Variants in GPAT4 observed in about 807,000 individuals in gnomAD.
GPAT4 encodes glycerol-3-phosphate acyltransferase 4.
A neutral mutation model predicts 58.0 loss-of-function variants in GPAT4; 17 were observed. That is an observed-to-expected ratio of 0.29 (90% CI 0.20 to 0.44). The LOEUF is 0.44. GPAT4 is among the 20% of genes least tolerant of loss of function. The probability of loss-of-function intolerance (pLI) is 1.00; values close to 1 mark genes in which losing one functional copy is unlikely to be tolerated. For missense variants in GPAT4, 377 were observed against 574.5 expected (o/e 0.66, Z 3.51); for synonymous variants, 204 against 210.1 (o/e 0.97, Z 0.25).
rs769813713 is a variant in GPAT4 at position 41,618,728 on chromosome 8, C to T, written c.1098C>T (p.Tyr366=). Residue 366 remains tyrosine, a synonymous_variant, in exon 11 of 13, where the codon TAC becomes TAT. Transcript: ENST00000396987. ...FGDAFWNSSK[Y]GMVTYLLRMM... ...ATGCCTTCTGGAACAGCAGCAAATA[C>T]GGGATGGTGACGTACCTGCTGCGAA... 84 of 1,614,110 alleles carry T rather than the reference C, an allele frequency of 5.2e-5. 2 individuals are homozygous for T. In the South Asian group the frequency reaches 5.8e-4, roughly 11 times the overall value.
In GPAT4 at chr8:41,597,472, G is replaced by C. The variant is rs150956644; in HGVS notation, c.-848-820G>C. 4.5e-3 allele frequency among the ~76,000 whole-genome samples: 688 copies of C among 152,262 alleles called. 10 individuals carry two copies. The highest frequency in any genetic ancestry group is 0.016 in the African/African-American group (672 of 41,544). On this transcript the variant is annotated intron_variant, in intron 1 of 12. Coordinates refer to ENST00000396987, the MANE Select transcript of GPAT4 (RefSeq NM_178819.4). The stretch of plus-strand genomic sequence containing the variant: ...TGGCCAGTGTGGGGAGAGGCTGGAG[G>C]AGTTTAATCTCTATGTGGAAAATAT...
chr8:41,594,757 G>C (rs1212429828), intron 1 of GPAT4, among the ~76,000 whole-genome samples: 6 of 152,060 alleles, frequency 3.9e-5, no homozygotes. Flanking sequence ...GTGTTAGCCA[G>C]GATGGTCTCC....
intron 2 of GPAT4, among the ~76,000 whole-genome samples, chr8:41,602,121 AT>A (rs1803119262): frequency 6.6e-6 from 1 of 152,060 alleles, no homozygotes; most frequent in Admixed American, 6.5e-5. Flanking sequence ...CACCCGGCTA[AT>A]TTTTGTATTT....
intron 1 of GPAT4, among the ~76,000 whole-genome samples, chr8:41,590,127 CTT>C (rs879453903): frequency 4.8e-5 from 7 of 145,056 alleles, no homozygotes; most frequent in Admixed American, 6.9e-5. Context: ...CTTGCTACTT[CTT>C]TTTTTTTTTT....
chr8:41,597,847 C>A (rs567822877), intron 1 of GPAT4, among the ~76,000 whole-genome samples: 48 of 152,270 alleles, frequency 3.2e-4, no homozygotes, highest in Non-Finnish European at 5.6e-4. Flanking sequence ...GGCCTGGGGG[C>A]CATTGGTGAC....
Position 41,621,958 on chromosome 8 carries a change from G to C in GPAT4, c.*957G>C, listed in dbSNP as rs1563282161. 1.3e-5 allele frequency: 2 copies of C among 152,332 alleles called. No individual in the cohort carries two copies. 9.4% of individuals were successfully genotyped at this position (152,332 alleles called of 1,614,324 possible). ...TACTTTCTCCCCTGGCTGTGGCCCT[G>C]AGTAGCAGGCTTCTCGTGAGGATTC... On this transcript the variant is annotated 3_prime_UTR_variant, in exon 13 of 13. Coordinates refer to ENST00000396987, the MANE Select transcript of GPAT4 (RefSeq NM_178819.4).
intron 2 of GPAT4, among the ~76,000 whole-genome samples, chr8:41,602,240 G>A (rs1042464531): frequency 6.6e-6 from 1 of 152,228 alleles, no homozygotes; most frequent in African/African-American, 2.4e-5. Context: ...TTACAGGCGT[G>A]AGCCACCACA....
chr8:41,621,124 T>C lies in GPAT4; in HGVS notation c.*123T>C. The C allele has an allele frequency of 7.4e-7, 1 of 1,350,466 alleles. No homozygotes were observed. Among genetic ancestry groups the C allele is most frequent in the Non-Finnish European group, 1.0e-6 (1 of 1,003,042 alleles). The allele number at this position is 1,350,466 out of a possible 1,614,324, so 83.7% of individuals were successfully genotyped here. ...CCAGGGCTCCCCGGGCTGCTCTGGA[T>C]CCCAGGACTCCGGCTTTCGCCGAGC... On this transcript the variant is annotated 3_prime_UTR_variant, in exon 13 of 13. Transcript: ENST00000396987.
At chr8:41,582,700 T>TGTGTGCGTGC (rs1309605840) in intron 1 of GPAT4, among the ~76,000 whole-genome samples, 5 of 150,144 alleles carry the variant, frequency 3.3e-5, no homozygotes, top group African/African-American at 9.8e-5. Context: ...TGTGTGGGTG[T>TGTGTGCGTGC]ATCTCAAAAC....
At chr8:41,615,106 A>G (rs1225118182) in intron 10 of GPAT4, 58 bp downstream of exon 10, 2 of 1,474,918 alleles carry the variant, frequency 1.4e-6, no homozygotes, top group Non-Finnish European at 1.9e-6. Flanking sequence ...AGTGGGGTGC[A>G]GCAGGAGGAG....
intron 2 of GPAT4, among the ~76,000 whole-genome samples, chr8:41,602,071 C>T (rs549535243): frequency 1.7e-4 from 26 of 152,368 alleles, no homozygotes; most frequent in African/African-American, 5.5e-4. Context: ...TCTCCTGCCT[C>T]AGCCACCCAA....
Position 41,624,780 on chromosome 8 carries a change from G to T in GPAT4, c.*3779G>T, listed in dbSNP as rs1015211070. 6.6e-6 allele frequency: 1 copy of T among 152,186 alleles called. No homozygotes were observed. Among genetic ancestry groups the T allele is most frequent in the Middle Eastern group, 3.4e-3 (1 of 294 alleles). 9.4% of individuals were successfully genotyped at this position (152,186 alleles called of 1,614,324 possible). A position where few individuals can be genotyped will look rare whatever the true frequency, so the allele number is the denominator to read the frequency against. ...ATTTGTAAACGATAAATAAAAAGGG[G>T]GAACTTTTCATTGCGCCAGGGGTGG... is the stretch of plus-strand genomic sequence containing the variant. On this transcript the variant is annotated 3_prime_UTR_variant, in exon 13 of 13. Transcript: ENST00000396987.
chr8:41,583,552 A>G (rs1053020523), intron 1 of GPAT4, among the ~76,000 whole-genome samples: 7 of 152,350 alleles, frequency 4.6e-5, no homozygotes, highest in Admixed American at 2.0e-4. Flanking sequence ...AAACATAATC[A>G]ATATAAAAAT....
At chr8:41,612,094 A>G (rs778740921) in intron 6 of GPAT4, 86 bp from the exon 7 acceptor site, 71 of 1,586,152 alleles carry the variant, frequency 4.5e-5, no homozygotes, top group Non-Finnish European at 6.0e-5. Context: ...TTTTAGTTAG[A>G]GCAGATGAAG....
chr8:41,585,107 A>G (rs1469686420), intron 1 of GPAT4, among the ~76,000 whole-genome samples: 2 of 152,174 alleles, frequency 1.3e-5, no homozygotes, highest in Non-Finnish European at 2.9e-5. Flanking sequence ...TTCCTATTCA[A>G]GCAAATTTCT....
chr8:41,581,625 CTTTTTTTTTT>C (rs567790530), intron 1 of GPAT4, among the ~76,000 whole-genome samples: 2 of 110,558 alleles, frequency 1.8e-5, no homozygotes, highest in Non-Finnish European at 1.9e-5. Context: ...CCTTTGTTGA[CTTTTTTTTTT>C]TTTTTTTTTT....
At chr8:41,588,165 A>T (rs951382804) in intron 1 of GPAT4, among the ~76,000 whole-genome samples, 4 of 152,212 alleles carry the variant, frequency 2.6e-5, no homozygotes, top group Non-Finnish European at 5.9e-5. Context: ...ATTCATTGAG[A>T]TCTAACATGT....
intron 1 of GPAT4, among the ~76,000 whole-genome samples, chr8:41,583,443 A>G (rs185661298): frequency 1.7e-4 from 26 of 152,250 alleles, no homozygotes; most frequent in African/African-American, 6.0e-4. Flanking sequence ...TTGAAAGTCA[A>G]TTTAAATTTT....
chr8:41,608,819 GT>G (rs34611243), intron 2 of GPAT4, among the ~76,000 whole-genome samples: 84,093 of 149,282 alleles, frequency 0.56, 24,099 homozygotes, highest in Middle Eastern at 0.71. Flanking sequence ...TTGAATCTGG[GT>G]TTTTTTTTTT....
Sources: allele counts gnomAD v4.1 joint callset (sites outside exome capture counted in the v4.1 genomes callset), GRCh38; gene constraint gnomAD v4.1.1; transcripts MANE v1.5; gene names NCBI Gene and HGNC (gene_info 2026-07-23, HGNC 2026-07-21).